The following KIF5C variants were observed in gnomAD, a reference collection of about 807,000 sequenced individuals.
KIF5C encodes the protein kinesin heavy chain isoform 5C.
Under a neutral mutation model 125.2 loss-of-function variants are expected in KIF5C, and 18 were observed. The observed-to-expected ratio is 0.14, with a 90% CI of 0.10 to 0.21. The LOEUF (loss-of-function observed/expected upper bound fraction) is 0.21, where lower values mean the gene tolerates loss of function less well. Ranked by LOEUF, KIF5C falls within the 10% of genes least tolerant of loss-of-function variation. The pLI is 1.00. For missense variants in KIF5C, 780 were observed against 1,183.8 expected (o/e 0.66, Z 5.01); for synonymous variants, 405 against 434.0 (o/e 0.93, Z 0.83).
intron 10 of KIF5C, 113 bp downstream of exon 10, chr2:148,950,575 A>G: frequency 1.4e-6 from 2 of 1,381,942 alleles, no homozygotes; most frequent in Non-Finnish European, 1.9e-6. Context: ...TTGGGAGGCC[A>G]AGGCGGGTGG....
At chr2:148,953,439 T>C (rs564923753) in intron 10 of KIF5C, among the ~76,000 whole-genome samples, 1 of 152,322 alleles carries the variant, frequency 6.6e-6, no homozygotes, top group African/African-American at 2.4e-5. Context: ...AGCTATTCTA[T>C]GGGGCCAATA....
intron 15 of KIF5C, among the ~76,000 whole-genome samples, chr2:148,985,860 C>T (rs563883122): frequency 6.6e-6 from 1 of 152,266 alleles, no homozygotes; most frequent in South Asian, 2.1e-4. Context: ...GTAAATGTAA[C>T]CATTCTTTCA....
intron 10 of KIF5C, among the ~76,000 whole-genome samples, chr2:148,961,306 G>A (rs1180990794): frequency 2.0e-5 from 3 of 152,080 alleles, no homozygotes; most frequent in African/African-American, 4.8e-5. Context: ...TGGGGGGGGC[G>A]GGTGTGTGCT....
At chr2:149,000,363 C>T (rs912410519) in intron 19 of KIF5C, 60 bp from the exon 20 acceptor site, 6 of 1,529,418 alleles carry the variant, frequency 3.9e-6, no homozygotes, top group African/African-American at 1.4e-5. Flanking sequence ...ACGGTTTTAG[C>T]CTGATGACTC....
At position 148,961,979 on chromosome 2, in the gene KIF5C, C is replaced by T. The variant is rs1384624822; in HGVS notation, c.977C>T (p.Thr326Ile). 1.9e-6 allele frequency: 3 copies of T among 1,612,652 alleles called. No homozygotes were observed. The highest frequency in any genetic ancestry group is 2.2e-5 in the East Asian group (1 of 44,862). Residue 326 changes from threonine (T) to isoleucine (I), a missense_variant, in exon 11 of 26, where the codon ACC becomes ATC. Physicochemically the swap from Thr to Ile is moderately conservative, Grantham distance 89 (BLOSUM62 -1). Around this residue, in one of 2 missense-constraint regions of KIF5C, gnomAD observed 207 missense variants for 441.2 expected, o/e 0.47. Transcript: ENST00000435030. Reference sequence around the variant, plus strand: ...TATGTTTTTAATCCCAGAGCTAAGACCATCAAGAATACAGTCTCTGTGAAC... The same window carrying T: ...TATGTTTTTAATCCCAGAGCTAAGATCATCAAGAATACAGTCTCTGTGAAC... Reference protein sequence around the residue: ...STLMFGQRAKTIKNTVSVNLE... With the variant: ...STLMFGQRAKIIKNTVSVNLE...
intron 13 of KIF5C, among the ~76,000 whole-genome samples, chr2:148,980,737 G>T (rs1681211772): frequency 6.6e-6 from 1 of 150,896 alleles, no homozygotes; most frequent in Non-Finnish European, 1.5e-5. Flanking sequence ...ACGAAGTCTT[G>T]CTCTGCTGCC....
At chr2:149,005,579 A>G in intron 22 of KIF5C, 115 bp downstream of exon 22, 1 of 1,425,022 alleles carries the variant, frequency 7.0e-7, no homozygotes, top group Non-Finnish European at 9.5e-7. Context: ...TTAAAAATTA[A>G]TTACTGCACA....
chr2:148,992,987 A>G (rs926819713), intron 16 of KIF5C, among the ~76,000 whole-genome samples: 4 of 152,200 alleles, frequency 2.6e-5, no homozygotes, highest in African/African-American at 7.2e-5. Context: ...CAAGCTGGAC[A>G]TACCAGCTCC....
At position 148,875,575 on chromosome 2, in the gene KIF5C, G is replaced by GCCCCCCCCCCCTCCCCCCT; in HGVS notation, c.-37_-36insCCCCCTCCCCCCTCCCCCC. ...TCCTCCCTCGTCGTTCCCGGCCCCG[G>GCCCCCCCCCCCTCCCCCCT]CCCCCCACCCATCCCCGTGCCCCCT... On this transcript the variant is annotated 5_prime_UTR_variant, in exon 1 of 26. Transcript: ENST00000435030. 1.4e-6 allele frequency: 1 copy of GCCCCCCCCCCCTCCCCCCT among 699,602 alleles called. No individual in the cohort carries two copies. The highest frequency in any genetic ancestry group is 2.2e-5 in the Admixed American group (1 of 46,070). The allele number at this position is 699,602 out of a possible 1,614,324, so 43.3% of individuals were successfully genotyped here. A position where few individuals can be genotyped will look rare whatever the true frequency, so the allele number is the denominator to read the frequency against.
chr2:148,909,269 G>A (rs1003650731), intron 1 of KIF5C, among the ~76,000 whole-genome samples: 16 of 152,292 alleles, frequency 1.1e-4, no homozygotes, highest in East Asian at 3.9e-4. Context: ...AAGGTTTCAC[G>A]CTTTTGGTCA....
At chr2:148,978,099 G>T (rs901213477) in intron 12 of KIF5C, among the ~76,000 whole-genome samples, 2 of 152,286 alleles carry the variant, frequency 1.3e-5, no homozygotes, top group East Asian at 1.9e-4. Flanking sequence ...TGAAAATAAT[G>T]CAGTGAAGAC....
chr2:148,879,811 G>A (rs1681297793), intron 1 of KIF5C: 1 of 152,140 alleles, frequency 6.6e-6, no homozygotes, highest in Non-Finnish European at 1.5e-5. Flanking sequence ...CTTTTCTCTT[G>A]TTTGCAGTCC....
In KIF5C at chr2:148,981,408, T is replaced by C. The variant is rs1423587263; in HGVS notation, c.1416T>C (p.Arg472=). The change falls in exon 14 of 26, where the codon CGT becomes CGC. Residue 472 remains arginine, a synonymous_variant. Transcript: ENST00000435030. The stretch of plus-strand genomic sequence containing the variant: ...AGAAGATACAGGAGGAGCTGACACG[T>C]CTCCAGATTGAAAATGAGGCAGCCA... ...DYEKIQEELT[R]LQIENEAAKD... is the part of the protein sequence containing the mutation. 1 of 1,611,266 alleles carries C rather than the reference T, an allele frequency of 6.2e-7. No homozygotes were observed. The highest frequency in any genetic ancestry group is 1.1e-5 in the South Asian group (1 of 90,116).
At position 148,954,983 on chromosome 2, in the gene KIF5C, G is replaced by T. The variant is rs555957619; in HGVS notation, c.968+4521G>T. Reference sequence around the variant, plus strand: ...TTTGCCCTTGGAGGGAAGAAATACTGTGGGTGACATACATTTAACTAGATG... The same window carrying T: ...TTTGCCCTTGGAGGGAAGAAATACTTTGGGTGACATACATTTAACTAGATG... On this transcript the variant is annotated intron_variant, in intron 10 of 25. Transcript: ENST00000435030. Among the ~76,000 whole-genome samples, 6 of 152,306 alleles carry T rather than the reference G, an allele frequency of 3.9e-5. No individual in the cohort carries two copies. In the South Asian group the frequency reaches 1.2e-3, roughly 32 times the overall value.
rs1323676587 is a variant in KIF5C, at chr2:148,924,470, C to T, written c.217+2243C>T. On this transcript the variant is annotated intron_variant, in intron 2 of 25. Coordinates refer to ENST00000435030, the MANE Select transcript of KIF5C (RefSeq NM_004522.3). This position sits in a 1 kb window ranked among gnomAD's most constrained non-coding sequence, Gnocchi z 4.0. The stretch of plus-strand genomic sequence containing the variant: ...TATTCTCTCTCTGGTTTTTCATTCC[C>T]TACCACTTCACTGGGTTAAAAAAAA... Among the ~76,000 whole-genome samples, 1 of 150,732 alleles carries T rather than the reference C, an allele frequency of 6.6e-6. No homozygotes were observed. The highest frequency in any genetic ancestry group is 6.6e-5 in the Admixed American group (1 of 15,232).
chr2:148,971,380 AC>A (rs1292792799), intron 11 of KIF5C, among the ~76,000 whole-genome samples: 3 of 152,122 alleles, frequency 2.0e-5, no homozygotes, highest in Non-Finnish European at 4.4e-5. Context: ...AGAACATGGT[AC>A]AGCTTTTATA....
intron 12 of KIF5C, among the ~76,000 whole-genome samples, chr2:148,978,402 T>G (rs550428288): frequency 1.4e-5 from 2 of 147,730 alleles, no homozygotes; most frequent in Non-Finnish European, 3.0e-5. Context: ...GAGGGAGGTC[T>G]TCCAATGCCA....
At chr2:148,967,694 C>A (rs772175632) in intron 11 of KIF5C, among the ~76,000 whole-genome samples, 16 of 152,128 alleles carry the variant, frequency 1.1e-4, no homozygotes, top group African/African-American at 2.9e-4. Flanking sequence ...GGTCTTTCTT[C>A]GAATCTGGAG....
At chr2:148,978,773 T>G in intron 12 of KIF5C, 149 bp from the exon 13 acceptor site, 2 of 1,115,736 alleles carry the variant, frequency 1.8e-6, no homozygotes, top group Non-Finnish European at 2.4e-6. Context: ...CTGAATGAGA[T>G]CTCGGAATCT....
Sources: allele counts gnomAD v4.1 joint callset (sites outside exome capture counted in the v4.1 genomes callset), GRCh38; gene constraint gnomAD v4.1.1; regional missense constraint gnomAD v4.1.1; non-coding constraint Gnocchi (gnomAD v3.1); transcripts MANE v1.5; gene names NCBI Gene and HGNC (gene_info 2026-07-23, HGNC 2026-07-21).